The following OSBPL9 variants were observed in gnomAD, a reference collection of about 807,000 sequenced individuals.
OSBPL9 encodes the protein oxysterol-binding protein-related protein 9.
A neutral mutation model predicts 106.6 loss-of-function variants in OSBPL9; 40 were observed. The ratio of observed to expected loss-of-function variants is 0.38; its 90% CI spans 0.29 to 0.49. The LOEUF is 0.49. OSBPL9 is among the 20% of genes least tolerant of loss of function. The pLI is 0.97. For missense variants in OSBPL9, 609 were observed against 887.2 expected, an observed-to-expected ratio of 0.69 and a Z score of 3.98; for synonymous variants, 269 against 295.4, an observed-to-expected ratio of 0.91 and a Z score of 0.92.
chr1:51,721,988 A>G (rs1263951817), intron 4 of OSBPL9, among the ~76,000 whole-genome samples: 1 of 152,260 alleles, frequency 6.6e-6, no homozygotes, highest in Non-Finnish European at 1.5e-5. Context: ...AATTGAATAC[A>G]ACTACATGTA....
intron 1 of OSBPL9, among the ~76,000 whole-genome samples, chr1:51,589,606 A>G (rs1202522992): frequency 3.9e-5 from 6 of 152,140 alleles, no homozygotes. Context: ...GGAGCAAACC[A>G]TATGAATATC....
At chr1:51,600,992 T>C (rs1275892285) in intron 2 of OSBPL9, among the ~76,000 whole-genome samples, 1 of 152,202 alleles carries the variant, frequency 6.6e-6, no homozygotes, top group African/African-American at 2.4e-5. Flanking sequence ...CAGGAAGGAT[T>C]ATGTGGATCG....
At chr1:51,674,244 T>C (rs1650636356) in intron 3 of OSBPL9, among the ~76,000 whole-genome samples, 3 of 152,132 alleles carry the variant, frequency 2.0e-5, no homozygotes, top group South Asian at 4.1e-4. Context: ...ATTTTTTTTT[T>C]AATAAAAAAT....
intron 15 of OSBPL9, among the ~76,000 whole-genome samples, chr1:51,780,960 TA>T (rs1040624528): frequency 8.8e-5 from 13 of 147,376 alleles, no homozygotes; most frequent in East Asian, 2.0e-4. Context: ...CTGTTGAAAT[TA>T]AAAAAAAAAG....
At chr1:51,557,190 G>T in the OSBPL9 span, among the ~76,000 whole-genome samples, 1 of 152,040 alleles carries the variant, frequency 6.6e-6, no homozygotes, top group Non-Finnish European at 1.5e-5. Context: ...AATAAGAAAG[G>T]CTTTTATTTG....
chr1:51,756,851 A>G (rs1670445216), intron 9 of OSBPL9: 1 of 152,280 alleles, frequency 6.6e-6, no homozygotes, highest in Non-Finnish European at 1.5e-5. Context: ...AATTTACAAC[A>G]TGAATTCTTT....
chr1:51,594,137 C>A (rs1032134593), intron 1 of OSBPL9, among the ~76,000 whole-genome samples: 10 of 152,096 alleles, frequency 6.6e-5, no homozygotes, highest in Admixed American at 6.6e-4. Flanking sequence ...TGGCTCACGC[C>A]TGTAACCCCA....
intron 4 of OSBPL9, among the ~76,000 whole-genome samples, chr1:51,730,924 G>A (rs146898184): frequency 2.0e-5 from 3 of 152,200 alleles, no homozygotes; most frequent in African/African-American, 2.4e-5. Context: ...AAATTCTCAC[G>A]TAGTTAATTA....
intron 2 of OSBPL9, among the ~76,000 whole-genome samples, chr1:51,667,899 G>T (rs1411311206): frequency 6.6e-6 from 1 of 152,144 alleles, no homozygotes; most frequent in East Asian, 1.9e-4. Flanking sequence ...ATTTGAAAAT[G>T]GAGATAAAAT....
chr1:51,585,533 T>C (rs958750706), intron 1 of OSBPL9, among the ~76,000 whole-genome samples: 2 of 152,098 alleles, frequency 1.3e-5, no homozygotes, highest in Non-Finnish European at 2.9e-5. Context: ...ATCTCAGCAT[T>C]TTGGGAGGCC....
chr1:51,785,737 G>T, intron 20 of OSBPL9, 71 bp from the exon 21 acceptor site: 1 of 1,339,774 alleles, frequency 7.5e-7, no homozygotes, highest in African/African-American at 1.4e-5. Context: ...CTGTAGTTGG[G>T]CCACACTGAG....
chr1:51,754,076 T>TG (rs1245571210), intron 8 of OSBPL9, among the ~76,000 whole-genome samples: 1 of 152,058 alleles, frequency 6.6e-6, no homozygotes, highest in Non-Finnish European at 1.5e-5. Context: ...GCAGTGGAGC[T>TG]GGGGAGTAAG....
At chr1:51,665,200 A>G (rs1648144503) in intron 2 of OSBPL9, among the ~76,000 whole-genome samples, 1 of 152,144 alleles carries the variant, frequency 6.6e-6, no homozygotes, top group African/African-American at 2.4e-5. Context: ...GCTGGAGTGC[A>G]ATGGGGCAGT....
chr1:51,774,240 G>C lies in OSBPL9; in HGVS notation c.1170+1517G>C, dbSNP rs1674566543. On this transcript the variant is annotated intron_variant, in intron 14 of 23. Transcript: ENST00000428468. Reference sequence around the variant, plus strand: ...AACCAGATGTATTTGCCACAATCAAGTTTGTAATTCTTGCCTCACATAATT... The same window carrying C: ...AACCAGATGTATTTGCCACAATCAACTTTGTAATTCTTGCCTCACATAATT... 2.6e-5 allele frequency among the ~76,000 whole-genome samples: 4 copies of C among 152,268 alleles called. No individual in the cohort carries two copies. In the South Asian group the frequency reaches 8.3e-4, roughly 32 times the overall value.
intron 3 of OSBPL9, among the ~76,000 whole-genome samples, chr1:51,674,664 G>A (rs921752576): frequency 2.0e-5 from 3 of 152,190 alleles, no homozygotes; most frequent in Non-Finnish European, 2.9e-5. Flanking sequence ...AGGACATTTA[G>A]GTCAACGATG....
the OSBPL9 span, among the ~76,000 whole-genome samples, chr1:51,521,647 T>C: frequency 6.6e-6 from 1 of 152,232 alleles, no homozygotes; most frequent in South Asian, 2.1e-4. Context: ...CTGAGGCAGT[T>C]GCACAGAGCA....
At chr1:51,614,128 T>A (rs2148607014), upstream of OSBPL9, among the ~76,000 whole-genome samples, 1 of 152,236 alleles carries the variant, frequency 6.6e-6, no homozygotes, top group African/African-American at 2.4e-5. Context: ...CCCAGAAACC[T>A]TTATTAAATT....
chr1:51,660,550 A>T (rs1344004546), intron 2 of OSBPL9, among the ~76,000 whole-genome samples: 1 of 152,258 alleles, frequency 6.6e-6, no homozygotes, highest in Non-Finnish European at 1.5e-5. Context: ...CTTTCAATTC[A>T]TGTAAGGGGG....
chr1:51,787,322 A>G (rs765606367), intron 22 of OSBPL9, 31 bp from the exon 23 acceptor site: 1 of 1,601,130 alleles, frequency 6.2e-7, no homozygotes, highest in Non-Finnish European at 8.6e-7. Context: ...CATTCTCAAC[A>G]TTGGCAGCTC....
Sources: gnomAD v4.1 joint callset for allele counts (sites outside exome capture counted in the v4.1 genomes callset) on GRCh38, gnomAD v4.1.1 for gene constraint, MANE v1.5 for transcripts, NCBI Gene and HGNC (gene_info 2026-07-23, HGNC 2026-07-21) for gene names.